LRRC37A: variants seen among roughly 807,000 people sequenced by gnomAD.
The protein encoded by LRRC37A is leucine rich repeat containing 37A, also known as leucine-rich repeat-containing protein 37A.
In LRRC37A, 3 loss-of-function variants were observed where a neutral mutation model predicts 35.4. The ratio of observed to expected loss-of-function variants is 0.08; its 90% CI spans 0.04 to 0.22. The LOEUF (loss-of-function observed/expected upper bound fraction) is 0.22, where lower values mean the gene tolerates loss of function less well. LRRC37A is among the 10% of genes least tolerant of loss of function. The probability of loss-of-function intolerance (pLI) is 1.00; values close to 1 mark genes in which losing one functional copy is unlikely to be tolerated. For synonymous variants in LRRC37A, 23 were observed against 215.0 expected (o/e 0.11, Z 7.81); for missense variants, 67 against 565.3 (o/e 0.12, Z 8.94).
At chr17:46,278,402 T>A in the LRRC37A span, among the ~76,000 whole-genome samples, 39 of 129,434 alleles carry the variant, frequency 3.0e-4, no homozygotes, top group Admixed American at 6.9e-4. Flanking sequence ...TTTTATTTTG[T>A]TTTTTTTTTG....
intron 5 of LRRC37A, among the ~76,000 whole-genome samples, chr17:46,317,081 C>A (rs2143844682): frequency 1.2e-5 from 1 of 85,150 alleles, no homozygotes; most frequent in Non-Finnish European, 3.5e-5. Context: ...TTCTATTCAA[C>A]AAAACCGCCA....
chr17:46,255,221 G>A, the LRRC37A span, among the ~76,000 whole-genome samples: 8 of 152,012 alleles, frequency 5.3e-5, no homozygotes, highest in African/African-American at 1.2e-4. Context: ...TTCCTTCCTC[G>A]GCCTCTCAAT....
At chr17:46,258,382 T>A in the LRRC37A span, among the ~76,000 whole-genome samples, 2 of 152,120 alleles carry the variant, frequency 1.3e-5, no homozygotes, top group Non-Finnish European at 2.9e-5. Context: ...AGCTACTTTC[T>A]GTATTTTTAA....
chr17:46,314,788 A>G (rs144143290), intron 5 of LRRC37A, among the ~76,000 whole-genome samples: 4,181 of 82,030 alleles, frequency 0.051, 1,286 homozygotes, highest in African/African-American at 0.12. Flanking sequence ...CGTAAGAAAT[A>G]CTGGTCTGTA....
At chr17:46,257,367 G>T in the LRRC37A span, among the ~76,000 whole-genome samples, 1 of 150,114 alleles carries the variant, frequency 6.7e-6, no homozygotes, top group East Asian at 2.0e-4. Context: ...AGAATTGCTT[G>T]AACTAAACCT....
At chr17:46,280,569 CTTTT>C in the LRRC37A span, among the ~76,000 whole-genome samples, 2 of 112,000 alleles carry the variant, frequency 1.8e-5, no homozygotes, top group Middle Eastern at 7.4e-3. Context: ...TGATAGCACA[CTTTT>C]TTTTTTTTTT....
chr17:46,286,202 T>C, the LRRC37A span, among the ~76,000 whole-genome samples: 1 of 152,288 alleles, frequency 6.6e-6, no homozygotes, highest in Non-Finnish European at 1.5e-5. Flanking sequence ...ATAGTTTTAG[T>C]ATTGTGGTTT....
At chr17:46,248,381 C>G in the LRRC37A span, among the ~76,000 whole-genome samples, 1 of 152,022 alleles carries the variant, frequency 6.6e-6, no homozygotes, top group African/African-American at 2.4e-5. Flanking sequence ...CCCTCGTGTC[C>G]CTTTGTAGTC....
At chr17:46,267,357 G>A in the LRRC37A span, 1 of 1,577,756 alleles carries the variant, frequency 6.3e-7, no homozygotes, top group Non-Finnish European at 8.6e-7. Flanking sequence ...TGGACGTGCT[G>A]GGCGCGGGCA....
chr17:46,260,618 C>CACTT, the LRRC37A span: 1 of 1,181,922 alleles, frequency 8.5e-7, no homozygotes, highest in Non-Finnish European at 1.1e-6. Flanking sequence ...GCTCTCTATT[C>CACTT]TCTTTTTTTT....
rs1245017646 is a variant in LRRC37A at position 46,331,636 on chromosome 17, C to CCTGT, written c.4361_4364dup (p.Pro1456ValfsTer17). ...GGGAATACAACAACGTGGGCACTGA[C>CCTGT]CTGTCCCCCGAGCCCAAAAGCTTCA... On this transcript the variant is annotated frameshift_variant, in exon 9 of 14. Coordinates refer to ENST00000320254, the Ensembl canonical transcript of LRRC37A. LOFTEE classifies it high-confidence loss of function. The CCTGT allele has an allele frequency of 1.2e-6, 1 of 816,766 alleles. No homozygotes were observed. The highest frequency in any genetic ancestry group is 1.9e-6 in the Non-Finnish European group (1 of 514,206). 50.6% of individuals were successfully genotyped at this position (816,766 alleles called of 1,614,324 possible).
intron 2 of LRRC37A, among the ~76,000 whole-genome samples, 190 bp downstream of exon 2, chr17:46,300,055 A>C (rs2143552815): frequency 1.9e-5 from 1 of 52,394 alleles, no homozygotes; most frequent in East Asian, 3.4e-4. Flanking sequence ...AATAAGAGGC[A>C]ATTTAAATTT....
the LRRC37A span, chr17:46,268,423 G>C: frequency 9.7e-7 from 1 of 1,033,626 alleles, no homozygotes; most frequent in Non-Finnish European, 1.3e-6. Context: ...TGCAGCTTAG[G>C]TATTTCTTAA....
upstream of LRRC37A, among the ~76,000 whole-genome samples, chr17:46,291,316 CAT>C (rs1372926415): frequency 6.6e-6 from 1 of 152,194 alleles, no homozygotes; most frequent in Non-Finnish European, 1.5e-5. Flanking sequence ...ATTGAAAAGA[CAT>C]AGTCATGCTT....
chr17:46,277,930 C>T, the LRRC37A span, among the ~76,000 whole-genome samples: 23 of 152,082 alleles, frequency 1.5e-4, no homozygotes, highest in African/African-American at 5.6e-4. Context: ...ACATGAGCCA[C>T]CATGCCTGGT....
At chr17:46,280,087 G>T in the LRRC37A span, among the ~76,000 whole-genome samples, 21,671 of 151,900 alleles carry the variant, frequency 0.14, 1,862 homozygotes, top group Non-Finnish European at 0.22. Context: ...AAATAAAAAT[G>T]TCTGGCCAGG....
At chr17:46,253,121 G>A in the LRRC37A span, among the ~76,000 whole-genome samples, 2 of 148,544 alleles carry the variant, frequency 1.3e-5, no homozygotes, top group African/African-American at 4.9e-5. Context: ...TGGGGCGGCC[G>A]GGCAGAGACG....
the LRRC37A span, among the ~76,000 whole-genome samples, chr17:46,266,810 G>T: frequency 6.6e-6 from 1 of 151,728 alleles, no homozygotes; most frequent in South Asian, 2.1e-4. Context: ...GGCCGCACAC[G>T]CTCCCACAGG....
At chr17:46,292,383 T>A (rs150325706), upstream of LRRC37A, among the ~76,000 whole-genome samples, 35,705 of 77,924 alleles carry the variant, frequency 0.46, 16,707 homozygotes, top group Non-Finnish European at 0.93. Context: ...TGGATAACAT[T>A]GCCAGTATAA....
Sources: gnomAD v4.1 joint callset for allele counts (sites outside exome capture counted in the v4.1 genomes callset) on GRCh38, gnomAD v4.1.1 for gene constraint, MANE v1.5 for transcripts, NCBI Gene and HGNC (gene_info 2026-07-23, HGNC 2026-07-21) for gene names.